The following TEX14 variants were observed in gnomAD, a reference collection of about 807,000 sequenced individuals.
The protein encoded by TEX14 is testis expressed 14, intercellular bridge forming factor.
In TEX14, 168 loss-of-function variants were observed where a neutral mutation model predicts 178.6. The ratio of observed to expected loss-of-function variants is 0.94; its 90% CI spans 0.83 to 1.07. TEX14 has a LOEUF of 1.07. TEX14 is among the 50% of genes least tolerant of loss of function. TEX14 has a pLI of 0.00. For missense variants in TEX14, 1,730 were observed against 1,753.6 expected (o/e 0.99, Z 0.24); for synonymous variants, 626 against 634.1 (o/e 0.99, Z 0.19).
chr17:58,630,401 C>T, intron 3 of TEX14, 39 bp downstream of exon 3: 6 of 1,442,786 alleles, frequency 4.2e-6, no homozygotes, highest in Non-Finnish European at 5.9e-6. Context: ...CTTAACAGCA[C>T]AACCCCTATT....
chr17:58,636,063 A>C (rs1207588718), intron 2 of TEX14, among the ~76,000 whole-genome samples: 1 of 152,218 alleles, frequency 6.6e-6, no homozygotes, highest in African/African-American at 2.4e-5. Context: ...TAAGGATCAG[A>C]AACCACTTAG....
chr17:58,646,909 TTTTTTTTTTTTTTTAGACAGAG>T (rs2046721790), intron 2 of TEX14, among the ~76,000 whole-genome samples: 1 of 135,130 alleles, frequency 7.4e-6, no homozygotes, highest in Non-Finnish European at 1.6e-5. Context: ...AAGCACACTC[TTTTTTTTTTTTTTTAGACAGAG>T]TTTCGCTCTT....
At chr17:58,630,670 C>A in intron 2 of TEX14, 116 bp from the exon 3 acceptor site, 2 of 657,270 alleles carry the variant, frequency 3.0e-6, no homozygotes. Context: ...TTGCTGTGAG[C>A]TTTTTTTTAA....
At chr17:58,615,388 C>A in intron 7 of TEX14, 43 bp from the exon 8 acceptor site, 1 of 1,162,432 alleles carries the variant, frequency 8.6e-7, no homozygotes, top group Non-Finnish European at 1.3e-6. Flanking sequence ...GAGTGAGCAG[C>A]CACTTACTCC....
intron 8 of TEX14, 94 bp from the exon 9 acceptor site, chr17:58,613,638 C>T (rs1598386774): frequency 4.7e-6 from 6 of 1,276,170 alleles, no homozygotes; most frequent in East Asian, 2.3e-5. Flanking sequence ...TAAACAAATA[C>T]CATTTGTATA....
intron 1 of TEX14, among the ~76,000 whole-genome samples, chr17:58,687,593 A>G (rs930275504): frequency 7.9e-5 from 12 of 152,180 alleles, no homozygotes; most frequent in African/African-American, 2.4e-4. Context: ...TAAGCCTCCC[A>G]AAATGCTGGG....
In TEX14 at chr17:58,556,736, A is replaced by C; in HGVS notation, c.*275T>G. On this transcript the variant is annotated 3_prime_UTR_variant, in exon 32 of 32. Coordinates refer to ENST00000349033, the MANE Select transcript of TEX14 (RefSeq NM_031272.5). ...CAAGAGTTAAAGTTTTTGAAAATTAACATCAACAAAACCAAAGCCATTCTA... is the reference window on the plus strand; with the variant it reads ...CAAGAGTTAAAGTTTTTGAAAATTACCATCAACAAAACCAAAGCCATTCTA... The C allele has an allele frequency of 2.5e-6, 1 of 401,392 alleles. No individual in the cohort carries two copies. Among genetic ancestry groups the C allele is most frequent in the South Asian group, 8.2e-5 (1 of 12,184 alleles). The allele number at this position is 401,392 out of a possible 1,614,324, so 24.9% of individuals were successfully genotyped here. A position where few individuals can be genotyped will look rare whatever the true frequency, so the allele number is the denominator to read the frequency against.
At chr17:58,688,602 CA>C (rs1347925235) in intron 1 of TEX14, among the ~76,000 whole-genome samples, 2 of 152,018 alleles carry the variant, frequency 1.3e-5, no homozygotes, top group Non-Finnish European at 2.9e-5. Flanking sequence ...TAATCTTGAC[CA>C]AAACCCCAGG....
chr17:58,648,366 T>C (rs1203730788), intron 2 of TEX14, among the ~76,000 whole-genome samples: 3 of 152,178 alleles, frequency 2.0e-5, no homozygotes, highest in Admixed American at 1.3e-4. Flanking sequence ...GGATCCTTTC[T>C]TCCTTCACAG....
intron 1 of TEX14, among the ~76,000 whole-genome samples, chr17:58,670,338 T>C (rs983933158): frequency 6.6e-6 from 1 of 151,840 alleles, no homozygotes. Context: ...TCCATCTATC[T>C]ATAGGATGTG....
At chr17:58,574,369 G>A (rs763043553) in intron 21 of TEX14, 120 bp from the exon 22 acceptor site, 6 of 731,588 alleles carry the variant, frequency 8.2e-6, no homozygotes, top group Non-Finnish European at 1.4e-5. Flanking sequence ...AGGGCACTAA[G>A]CTCAGGAGTA....
chr17:58,631,726 C>G (rs1034324447), intron 2 of TEX14: 5 of 146,982 alleles, frequency 3.4e-5, no homozygotes, highest in African/African-American at 1.2e-4. Flanking sequence ...ACTGCTATCC[C>G]ACTCGTGAGA....
At chr17:58,578,778 A>G (rs921769455) in intron 20 of TEX14, among the ~76,000 whole-genome samples, 3 of 152,202 alleles carry the variant, frequency 2.0e-5, no homozygotes, top group African/African-American at 7.2e-5. Context: ...GACTTTAAGT[A>G]AAAGTTGATC....
intron 2 of TEX14, among the ~76,000 whole-genome samples, chr17:58,633,969 A>C (rs562547068): frequency 1.4e-3 from 120 of 83,914 alleles, no homozygotes; most frequent in African/African-American, 3.8e-3. Context: ...TCTGTCTCCG[A>C]AAAAAAAAAA....
intron 15 of TEX14, among the ~76,000 whole-genome samples, chr17:58,591,735 A>C (rs1029097833): frequency 4.6e-5 from 7 of 151,736 alleles, no homozygotes; most frequent in Non-Finnish European, 7.4e-5. Context: ...ACAAAAAAAA[A>C]CTAAAACTGA....
intron 3 of TEX14, among the ~76,000 whole-genome samples, chr17:58,625,761 GAC>G (rs1202332224): frequency 3.9e-5 from 6 of 152,082 alleles, no homozygotes; most frequent in Admixed American, 3.9e-4. Flanking sequence ...TTTATTTTGA[GAC>G]AGAGTCTCTG....
intron 1 of TEX14, among the ~76,000 whole-genome samples, chr17:58,658,947 C>T (rs1180189689): frequency 1.3e-5 from 2 of 151,668 alleles, no homozygotes; most frequent in Non-Finnish European, 2.9e-5. Flanking sequence ...AGGTGCGTAC[C>T]ACATCAGTCT....
chr17:58,649,818 CA>C, intron 2 of TEX14, among the ~76,000 whole-genome samples: 1 of 152,216 alleles, frequency 6.6e-6, no homozygotes, highest in East Asian at 1.9e-4. Context: ...CAGCTCACCG[CA>C]ACCTCCACCT....
chr17:58,619,761 G>A (rs1046948076), intron 5 of TEX14, among the ~76,000 whole-genome samples: 2 of 148,326 alleles, frequency 1.3e-5, no homozygotes, highest in African/African-American at 5.0e-5. Context: ...GAGATTGCAC[G>A]GACTCCTGCC....
Sources: gnomAD v4.1 joint callset for allele counts (sites outside exome capture counted in the v4.1 genomes callset) on GRCh38, gnomAD v4.1.1 for gene constraint, MANE v1.5 for transcripts, NCBI Gene and HGNC (gene_info 2026-07-23, HGNC 2026-07-21) for gene names.